Variants in SPAG16 observed in about 807,000 individuals in gnomAD.
SPAG16 encodes sperm associated antigen 16.
In SPAG16, 86 loss-of-function variants were observed where a neutral mutation model predicts 80.4. The observed-to-expected ratio is 1.07, with a 90% CI of 0.90 to 1.28. The LOEUF (loss-of-function observed/expected upper bound fraction) is 1.28, where lower values mean the gene tolerates loss of function less well. Among genes scored for constraint, SPAG16 ranks in the 50% most tolerant of loss-of-function variants. SPAG16 has a pLI of 0.00. For missense variants in SPAG16, 870 were observed against 765.3 expected, an observed-to-expected ratio of 1.14 and a Z score of -1.61; for synonymous variants, 294 against 265.9, an observed-to-expected ratio of 1.11 and a Z score of -1.03.
At chr2:213,538,571 G>A in intron 10 of SPAG16, among the ~76,000 whole-genome samples, 1 of 152,144 alleles carries the variant, frequency 6.6e-6, no homozygotes, top group East Asian at 1.9e-4. Context: ...TACTGAGGGA[G>A]TATGTTAATA....
chr2:214,051,995 C>T (rs1174485788), intron 13 of SPAG16, among the ~76,000 whole-genome samples: 1 of 152,050 alleles, frequency 6.6e-6, no homozygotes, highest in East Asian at 1.9e-4. Flanking sequence ...ATTTGTAATA[C>T]TGCATATTAA....
chr2:213,968,441 C>A lies in SPAG16; in HGVS notation c.1400+38296C>A, dbSNP rs368425871. On this transcript the variant is annotated intron_variant, in intron 12 of 15. Transcript: ENST00000331683. ...CTCCTGACCTCAAGTGATCTGCCCA[C>A]CTTGGCCTCCCAAAGTGCTGGGATT... 1.0e-3 allele frequency among the ~76,000 whole-genome samples: 153 copies of A among 152,292 alleles called. No individual in the cohort carries two copies. In the Middle Eastern group the frequency reaches 0.014, roughly 14 times the overall value.
intron 10 of SPAG16, among the ~76,000 whole-genome samples, chr2:213,852,203 A>T (rs184534971): frequency 1.3e-4 from 20 of 152,364 alleles, no homozygotes; most frequent in Admixed American, 3.3e-4. Flanking sequence ...CCAATATACA[A>T]AAGCGGCATC....
intron 14 of SPAG16, among the ~76,000 whole-genome samples, chr2:214,109,451 T>G (rs1303205270): frequency 6.6e-6 from 1 of 152,216 alleles, no homozygotes; most frequent in Non-Finnish European, 1.5e-5. Context: ...AATTCCAAAT[T>G]CCACTTCTTT....
intron 10 of SPAG16, among the ~76,000 whole-genome samples, chr2:213,820,483 A>T (rs1394121561): frequency 2.0e-5 from 3 of 152,160 alleles, no homozygotes; most frequent in Non-Finnish European, 1.5e-5. Context: ...CAGACTGCAC[A>T]GGAATAGATG....
intron 14 of SPAG16, among the ~76,000 whole-genome samples, chr2:214,117,763 C>G (rs946871047): frequency 1.3e-5 from 2 of 152,152 alleles, no homozygotes; most frequent in African/African-American, 4.8e-5. Flanking sequence ...ATTATATGAT[C>G]ATCTCATTAG....
chr2:214,256,676 T>C (rs1277246363), intron 15 of SPAG16, among the ~76,000 whole-genome samples: 1 of 151,926 alleles, frequency 6.6e-6, no homozygotes. Context: ...CAACAAACCC[T>C]TAACTGTCCA....
chr2:213,637,992 C>A (rs7593389), intron 10 of SPAG16, among the ~76,000 whole-genome samples: 1 of 152,036 alleles, frequency 6.6e-6, no homozygotes, highest in Non-Finnish European at 1.5e-5. Flanking sequence ...TTCCTGACCT[C>A]GTGATCCGCC....
intron 9 of SPAG16, among the ~76,000 whole-genome samples, chr2:213,404,536 A>T (rs1220287476): frequency 6.6e-6 from 1 of 152,174 alleles, no homozygotes; most frequent in Non-Finnish European, 1.5e-5. Flanking sequence ...TCCCTTCCTC[A>T]CACCTTATAA....
At chr2:213,284,852 C>T (rs996386701) in intron 1 of SPAG16, 2 of 538,966 alleles carry the variant, frequency 3.7e-6, no homozygotes, top group Middle Eastern at 2.8e-4. Context: ...GTTGGGAGAC[C>T]TTCCAAGGCC....
At chr2:213,553,901 C>A (rs1249595673) in intron 10 of SPAG16, among the ~76,000 whole-genome samples, 1 of 152,196 alleles carries the variant, frequency 6.6e-6, no homozygotes, top group Non-Finnish European at 1.5e-5. Context: ...TGCTGCTTTA[C>A]AAACACCCTT....
At chr2:214,040,139 G>A (rs917594102) in intron 13 of SPAG16, among the ~76,000 whole-genome samples, 2 of 152,148 alleles carry the variant, frequency 1.3e-5, no homozygotes, top group Non-Finnish European at 2.9e-5. Flanking sequence ...AATAGGGGAA[G>A]TTGCATAGCC....
rs919639229 is a variant in SPAG16 at position 213,674,681 on chromosome 2, AATTTCATCC to A, written c.1070+184594_1070+184602del. Among the ~76,000 whole-genome samples the A allele has an allele frequency of 1.5e-4, 23 of 149,826 alleles. 1 individual carries two copies. Among genetic ancestry groups the A allele is most frequent in the African/African-American group, 4.8e-4 (19 of 39,228 alleles). On this transcript the variant is annotated intron_variant, in intron 10 of 15. Transcript: ENST00000331683. The stretch of plus-strand genomic sequence containing the variant: ...TAGTTTACTGAGAATGATGATTTCC[AATTTCATCC>A]ATGTCCCTACAAAGGACGTGAACTC...
intron 15 of SPAG16, among the ~76,000 whole-genome samples, chr2:214,199,951 G>A (rs1375182962): frequency 6.6e-6 from 1 of 152,090 alleles, no homozygotes. Flanking sequence ...CACTGATTTT[G>A]TATCCTGAGA....
intron 15 of SPAG16, among the ~76,000 whole-genome samples, chr2:214,392,563 TAAATTCATC>T (rs1181376403): frequency 1.3e-5 from 2 of 152,152 alleles, no homozygotes; most frequent in African/African-American, 2.4e-5. Flanking sequence ...GAAATAATCT[TAAATTCATC>T]AAAATCATCA....
chr2:213,292,677 AAAAAAAAC>A lies in SPAG16; in HGVS notation c.137-3379_137-3372del, dbSNP rs1559377342. Among the ~76,000 whole-genome samples the A allele has an allele frequency of 3.1e-5, 4 of 129,214 alleles. 1 individual carries two copies. The highest frequency in any genetic ancestry group is 1.2e-4 in the African/African-American group (4 of 33,370). 84.8% of individuals were successfully genotyped at this position (129,214 alleles called of 152,430 possible). A position where few individuals can be genotyped will look rare whatever the true frequency, so the allele number is the denominator to read the frequency against. ...AGACTCCGTCTCAAAAAAAAAAAACAAAAAAAACAAAAAAAAACAAAACTATCAGAAAG... is the reference window on the plus strand; with the variant it reads ...AGACTCCGTCTCAAAAAAAAAAAACAAAAAAAAAACAAAACTATCAGAAAG... On this transcript the variant is annotated intron_variant, in intron 1 of 15. Coordinates refer to ENST00000331683, the MANE Select transcript of SPAG16 (RefSeq NM_024532.5).
At chr2:213,777,033 G>A (rs567148062) in intron 10 of SPAG16, among the ~76,000 whole-genome samples, 9 of 151,830 alleles carry the variant, frequency 5.9e-5, no homozygotes, top group African/African-American at 1.2e-4. Flanking sequence ...TACATTAACC[G>A]TAGTTATTAA....
At chr2:213,525,971 T>C (rs1213389935) in intron 10 of SPAG16, among the ~76,000 whole-genome samples, 1 of 152,152 alleles carries the variant, frequency 6.6e-6, no homozygotes, top group Admixed American at 6.5e-5. Flanking sequence ...TCTGTTCTTA[T>C]CCTCATCAAC....
At chr2:213,516,016 G>A (rs971340218) in intron 10 of SPAG16, among the ~76,000 whole-genome samples, 1 of 152,148 alleles carries the variant, frequency 6.6e-6, no homozygotes, top group African/African-American at 2.4e-5. Context: ...GGAACCAGAA[G>A]TTTCCACTGA....
Sources: allele counts gnomAD v4.1 joint callset (sites outside exome capture counted in the v4.1 genomes callset), GRCh38; gene constraint gnomAD v4.1.1; transcripts MANE v1.5; gene names NCBI Gene and HGNC (gene_info 2026-07-23, HGNC 2026-07-21).